The following CNTN6 variants were observed in gnomAD, a reference collection of about 807,000 sequenced individuals.
The protein encoded by CNTN6 is contactin-6.
CNTN6 carries 137 observed loss-of-function variants against 122.8 expected under a neutral mutation model. The ratio of observed to expected loss-of-function variants is 1.12; its 90% confidence interval spans 0.97 to 1.29. The LOEUF is 1.29. CNTN6 is among the 50% of genes most tolerant of loss of function. The pLI is 0.00. For synonymous variants in CNTN6, 570 were observed against 426.0 expected (o/e 1.34, Z -4.16); for missense variants, 1,634 against 1,223.4 (o/e 1.34, Z -5.01).
At chr3:1,397,265 C>T (rs1300644188) in intron 20 of CNTN6, among the ~76,000 whole-genome samples, 1 of 151,906 alleles carries the variant, frequency 6.6e-6, no homozygotes, top group Admixed American at 6.6e-5. Flanking sequence ...ATGAAAAGAA[C>T]AGTGAAGAAA....
chr3:1,381,563 C>G (rs964558312), intron 17 of CNTN6, among the ~76,000 whole-genome samples: 1 of 152,142 alleles, frequency 6.6e-6, no homozygotes, highest in African/African-American at 2.4e-5. Context: ...CACTCGGGCA[C>G]AGGAGCTCTA....
chr3:1,247,517 A>C (rs1368725230), intron 4 of CNTN6, among the ~76,000 whole-genome samples: 2 of 152,204 alleles, frequency 1.3e-5, no homozygotes, highest in Non-Finnish European at 2.9e-5. Context: ...AGAGAACCAG[A>C]GGAGAATAAA....
intron 1 of CNTN6, among the ~76,000 whole-genome samples, chr3:1,125,869 C>T (rs1468774227): frequency 6.6e-6 from 1 of 151,856 alleles, no homozygotes; most frequent in Non-Finnish European, 1.5e-5. Context: ...CAAAAGCCAA[C>T]TCCATGTTAT....
intron 4 of CNTN6, among the ~76,000 whole-genome samples, chr3:1,270,929 G>T (rs2095014882): frequency 6.6e-6 from 1 of 152,280 alleles, no homozygotes; most frequent in East Asian, 1.9e-4. Context: ...TTGAGACAAA[G>T]TCTGACTCTG....
At chr3:1,220,864 CA>C in intron 3 of CNTN6, 51 bp downstream of exon 3, 1 of 1,526,720 alleles carries the variant, frequency 6.5e-7, no homozygotes, top group South Asian at 1.3e-5. Context: ...CTCACTGAAC[CA>C]AAACATACAC....
intron 7 of CNTN6, among the ~76,000 whole-genome samples, chr3:1,319,255 A>T (rs1700519315): frequency 6.6e-6 from 1 of 151,680 alleles, no homozygotes; most frequent in South Asian, 2.1e-4. Context: ...CCAACCTAAC[A>T]CAACAGCTGT....
At chr3:1,373,565 G>T (rs1489641608) in intron 14 of CNTN6, 39 bp from the exon 15 acceptor site, 2 of 1,588,682 alleles carry the variant, frequency 1.3e-6, no homozygotes, top group East Asian at 4.5e-5. Context: ...ATGAATGTAA[G>T]TATCTCCAAT....
rs181190636 is a variant in CNTN6 at position 1,296,689 on chromosome 3, A to G, written c.658+885A>G. Among the ~76,000 whole-genome samples the G allele has an allele frequency of 1.8e-3, 275 of 152,302 alleles. 2 individuals are homozygous for G. Among genetic ancestry groups the G allele is most frequent in the African/African-American group, 5.9e-3 (247 of 41,578 alleles). On this transcript the variant is annotated intron_variant, in intron 6 of 22. Transcript: ENST00000446702. ...AAGGAGTTCTTATAATAGAGCTTTT[A>G]TAATCACTAACCACCCAAATGTATT...
chr3:1,107,018 G>A (rs972186016), intron 1 of CNTN6, among the ~76,000 whole-genome samples: 2 of 151,898 alleles, frequency 1.3e-5, no homozygotes, highest in African/African-American at 4.8e-5. Flanking sequence ...TCCATTTTCT[G>A]TTTTATTAAG....
intron 6 of CNTN6, among the ~76,000 whole-genome samples, chr3:1,297,073 G>C (rs888846776): frequency 6.6e-6 from 1 of 152,050 alleles, no homozygotes; most frequent in African/African-American, 2.4e-5. Flanking sequence ...GTTGAATGAA[G>C]TAGTACTCAC....
chr3:1,389,103 C>T (rs1428165311), intron 20 of CNTN6, among the ~76,000 whole-genome samples: 1 of 144,864 alleles, frequency 6.9e-6, no homozygotes, highest in Non-Finnish European at 1.5e-5. Context: ...CTCCAAGACA[C>T]ATAATTGTCA....
intron 2 of CNTN6, among the ~76,000 whole-genome samples, chr3:1,216,647 GT>G (rs2094134559): frequency 6.6e-6 from 1 of 152,198 alleles, no homozygotes; most frequent in Admixed American, 6.5e-5. Context: ...GAGTGGTGAA[GT>G]AAATTGTCCA....
intron 1 of CNTN6, chr3:1,128,475 A>G (rs1477781782): frequency 6.6e-6 from 1 of 151,996 alleles, no homozygotes; most frequent in Non-Finnish European, 1.5e-5. Flanking sequence ...CCCACTCCAC[A>G]ATTTGTCAAA....
intron 4 of CNTN6, among the ~76,000 whole-genome samples, chr3:1,262,304 A>G (rs917578705): frequency 5.9e-5 from 9 of 152,280 alleles, no homozygotes; most frequent in East Asian, 3.9e-4. Context: ...GGCATGAACT[A>G]TAAGTAAAAA....
intron 2 of CNTN6, among the ~76,000 whole-genome samples, chr3:1,216,593 A>G (rs557263914): frequency 6.6e-6 from 1 of 152,324 alleles, no homozygotes; most frequent in South Asian, 2.1e-4. Context: ...ACTAAAATAT[A>G]TGACATAGCA....
intron 2 of CNTN6, among the ~76,000 whole-genome samples, chr3:1,184,144 T>C (rs1480861567): frequency 2.0e-5 from 3 of 152,196 alleles, no homozygotes; most frequent in Non-Finnish European, 4.4e-5. Context: ...TCCCATTTTC[T>C]GTGTTTTATT....
At chr3:1,384,814 T>TAGATAGATATATAG (rs1559990765) in intron 19 of CNTN6, among the ~76,000 whole-genome samples, 1 of 138,202 alleles carries the variant, frequency 7.2e-6, no homozygotes, top group Admixed American at 7.3e-5. Flanking sequence ...CACACACACA[T>TAGATAGATATATAG]ATATATATAT....
At chr3:1,386,618 T>C (rs1692986795) in intron 20 of CNTN6, among the ~76,000 whole-genome samples, 1 of 152,114 alleles carries the variant, frequency 6.6e-6, no homozygotes, top group Non-Finnish European at 1.5e-5. Context: ...GATTTTTTTG[T>C]GGTTGAATAA....
intron 4 of CNTN6, among the ~76,000 whole-genome samples, chr3:1,249,225 A>G (rs898691477): frequency 2.6e-4 from 39 of 152,334 alleles, no homozygotes; most frequent in African/African-American, 9.4e-4. Flanking sequence ...ATCTTAGGGA[A>G]AAACAAATGG....
Sources: allele counts gnomAD v4.1 joint callset (sites outside exome capture counted in the v4.1 genomes callset), GRCh38; gene constraint gnomAD v4.1.1; transcripts MANE v1.5; gene names NCBI Gene and HGNC (gene_info 2026-07-23, HGNC 2026-07-21).